ANK1: variants seen among roughly 807,000 people sequenced by gnomAD.
ANK1 encodes the protein ankyrin-1.
Under a neutral mutation model 210.4 loss-of-function variants are expected in ANK1, and 51 were observed. The ratio of observed to expected loss-of-function variants is 0.24; its 90% CI spans 0.19 to 0.31. The LOEUF is 0.31. Ranked by LOEUF, ANK1 falls within the 10% of genes least tolerant of loss-of-function variation. The probability of loss-of-function intolerance (pLI) is 1.00; values close to 1 mark genes in which losing one functional copy is unlikely to be tolerated. For synonymous variants in ANK1, 967 were observed against 1,025.9 expected, an observed-to-expected ratio of 0.94 and a Z score of 1.10; for missense variants, 2,051 against 2,504.4, an observed-to-expected ratio of 0.82 and a Z score of 3.86.
chr8:41,703,911 G>A, intron 20 of ANK1, 130 bp downstream of exon 20: 1 of 807,654 alleles, frequency 1.2e-6, no homozygotes, highest in South Asian at 1.4e-5. Context: ...CAAGGTAGCT[G>A]TGGCTTTAGG....
chr8:41,672,278 C>T (rs925537460), intron 38 of ANK1, 76 bp downstream of exon 38: 3 of 1,527,824 alleles, frequency 2.0e-6, no homozygotes, highest in Non-Finnish European at 2.7e-6. Context: ...ACACCTCTGT[C>T]CTCACTGCCA....
chr8:41,782,288 G>A (rs1026759333), intron 1 of ANK1, among the ~76,000 whole-genome samples: 21 of 152,304 alleles, frequency 1.4e-4, no homozygotes, highest in African/African-American at 4.3e-4. Context: ...AGAAGAAAAC[G>A]CAGAGGTTTG....
intron 1 of ANK1, among the ~76,000 whole-genome samples, chr8:41,880,066 C>T (rs1181948658): frequency 6.6e-6 from 1 of 152,150 alleles, no homozygotes; most frequent in East Asian, 1.9e-4. Flanking sequence ...GCCCGCTGCC[C>T]ATTTTTTGCA....
intron 31 of ANK1, 75 bp downstream of exon 31, chr8:41,692,573 C>A: frequency 6.9e-7 from 1 of 1,449,186 alleles, no homozygotes; most frequent in Non-Finnish European, 9.6e-7. Flanking sequence ...TGCCTGCCTG[C>A]ACCTGGTAAT....
At chr8:41,829,527 G>C (rs1806180817) in intron 1 of ANK1, 1 of 152,184 alleles carries the variant, frequency 6.6e-6, no homozygotes, top group South Asian at 2.1e-4. Flanking sequence ...CCTTCTCCTA[G>C]TCCCACTCAC....
intron 21 of ANK1, among the ~76,000 whole-genome samples, 196 bp downstream of exon 21, chr8:41,701,856 C>G (rs1463084050): frequency 6.6e-6 from 1 of 152,226 alleles, no homozygotes; most frequent in Non-Finnish European, 1.5e-5. Context: ...AAAGCTGGTC[C>G]CGCCCCTAGT....
chr8:41,730,973 C>T (rs1290973066), intron 3 of ANK1, among the ~76,000 whole-genome samples: 5 of 152,176 alleles, frequency 3.3e-5, no homozygotes, highest in East Asian at 1.9e-4. Flanking sequence ...CCTTACCCCA[C>T]GAGGAGGGGA....
chr8:41,828,911 C>T (rs1317582381), intron 1 of ANK1: 1 of 152,276 alleles, frequency 6.6e-6, no homozygotes, highest in Non-Finnish European at 1.5e-5. Flanking sequence ...CGCGCGTGAC[C>T]CGGGGCGCCG....
At chr8:41,896,577 C>T in exon 1 of ANK1, 1 of 1,443,222 alleles carries the variant, frequency 6.9e-7, no homozygotes, top group Non-Finnish European at 9.1e-7. Flanking sequence ...GGTCTCTGCT[C>T]CACAGAGGGG....
intron 1 of ANK1, among the ~76,000 whole-genome samples, chr8:41,778,322 C>T (rs993256285): frequency 1.3e-5 from 2 of 152,162 alleles, no homozygotes; most frequent in African/African-American, 4.8e-5. Flanking sequence ...AAATACCAAA[C>T]GAGAGGTTGC....
intron 16 of ANK1, among the ~76,000 whole-genome samples, chr8:41,710,064 T>C (rs1057061234): frequency 6.6e-6 from 1 of 152,208 alleles, no homozygotes; most frequent in East Asian, 1.9e-4. Context: ...TGTGCACTGT[T>C]TATTCAGCCA....
intron 2 of ANK1, among the ~76,000 whole-genome samples, chr8:41,745,857 G>A (rs1031441834): frequency 1.3e-5 from 2 of 152,034 alleles, no homozygotes; most frequent in Admixed American, 1.3e-4. Context: ...GGCCATGCCT[G>A]GCTAATTTGT....
chr8:41,796,956 C>T lies in ANK1; in HGVS notation c.27+556G>A, dbSNP rs139767345. Among the ~76,000 whole-genome samples the T allele has an allele frequency of 1.0e-3, 153 of 152,248 alleles. 2 individuals carry two copies. The East Asian group carries it at 0.028, about 28-fold the overall frequency. ...AGGCCACGCCGCCGCTCTTTCCCTT[C>T]CTTCGTAGACATATTTCTCTCCATG... On this transcript the variant is annotated intron_variant, in intron 1 of 42. Coordinates refer to ENST00000289734, the MANE Select transcript of ANK1 (RefSeq NM_000037.4).
intron 2 of ANK1, among the ~76,000 whole-genome samples, chr8:41,736,153 G>A (rs931124099): frequency 9.9e-5 from 15 of 152,200 alleles, no homozygotes; most frequent in Admixed American, 8.5e-4. Context: ...TAATAGAGAG[G>A]GAGAAAGTGC....
intron 2 of ANK1, 116 bp from the exon 3 acceptor site, chr8:41,734,185 G>A (rs1832871412): frequency 1.1e-6 from 1 of 911,602 alleles, no homozygotes; most frequent in African/African-American, 1.6e-5. Flanking sequence ...CTGGAGAAAA[G>A]GAGTGGAGTG....
At chr8:41,802,991 A>AAGAG (rs747807428) in intron 1 of ANK1, among the ~76,000 whole-genome samples, 3,143 of 69,752 alleles carry the variant, frequency 0.045, 222 homozygotes, top group South Asian at 0.086. Context: ...GAAAGAGAGA[A>AAGAG]AGAGAGAAAG....
chr8:41,771,899 G>A (rs1843037662), intron 1 of ANK1, among the ~76,000 whole-genome samples: 1 of 152,218 alleles, frequency 6.6e-6, no homozygotes, highest in East Asian at 1.9e-4. Context: ...GTCAATTCCT[G>A]CAGGGATTTC....
chr8:41,878,800 T>C (rs1817061401), intron 1 of ANK1, among the ~76,000 whole-genome samples: 1 of 152,148 alleles, frequency 6.6e-6, no homozygotes, highest in Non-Finnish European at 1.5e-5. Context: ...TGGTGGTTCA[T>C]GCCTATAATC....
At position 41,715,695 on chromosome 8, in the gene ANK1, A is replaced by C. The variant is rs1480334034; in HGVS notation, c.1559T>G (p.Leu520Arg). ...GGATGCTTCCTTTTCCAGAAGGGCCAGGACTGTTTCCACATGGCCCTCACG... is the reference window on the plus strand; with the variant it reads ...GGATGCTTCCTTTTCCAGAAGGGCCCGGACTGTTTCCACATGGCCCTCACG... ...AAREGHVETV[L>R]ALLEKEASQA... Residue 520 changes from leucine to arginine, a missense_variant, in exon 14 of 43, where the codon CTG (leucine) becomes CGG (arginine). Physicochemically the swap from Leu to Arg is moderately radical, Grantham distance 102. Transcript: ENST00000289734. 2.5e-6 allele frequency: 4 copies of C among 1,613,914 alleles called. No individual in the cohort carries two copies. In the South Asian group the frequency reaches 4.4e-5, roughly 18 times the overall value.
Sources: allele counts gnomAD v4.1 joint callset (sites outside exome capture counted in the v4.1 genomes callset), GRCh38; gene constraint gnomAD v4.1.1; transcripts MANE v1.5; gene names NCBI Gene and HGNC (gene_info 2026-07-23, HGNC 2026-07-21).